Variants in THSD7A observed in about 807,000 individuals in gnomAD.
THSD7A encodes the protein thrombospondin type-1 domain-containing protein 7A.
In THSD7A, 96 loss-of-function variants were observed where a neutral mutation model predicts 231.3. That is an observed-to-expected ratio of 0.41 (90% CI 0.35 to 0.49). The LOEUF (loss-of-function observed/expected upper bound fraction) is 0.49, where lower values mean the gene tolerates loss of function less well. Ranked by LOEUF, THSD7A falls within the 20% of genes least tolerant of loss-of-function variation. The pLI is 0.05. For missense variants in THSD7A, 2,290 were observed against 2,070.2 expected (o/e 1.11, Z -2.06); for synonymous variants, 940 against 743.3 (o/e 1.26, Z -4.30).
intron 23 of THSD7A, among the ~76,000 whole-genome samples, chr7:11,383,312 A>G (rs370408370): frequency 6.6e-6 from 1 of 152,056 alleles, no homozygotes; most frequent in Non-Finnish European, 1.5e-5. Flanking sequence ...AGTTTATTTT[A>G]ACGGCTACAT....
At chr7:11,630,642 G>T (rs962686323) in intron 2 of THSD7A, among the ~76,000 whole-genome samples, 1 of 152,054 alleles carries the variant, frequency 6.6e-6, no homozygotes, top group African/African-American at 2.4e-5. Flanking sequence ...GGAATTCACT[G>T]GGCTGAATTT....
In THSD7A at chr7:11,411,575, G is replaced by A. The variant is rs894925143; in HGVS notation, c.3683-253C>T. Among the ~76,000 whole-genome samples the A allele has an allele frequency of 8.5e-5, 13 of 152,268 alleles. No homozygotes were observed. Among genetic ancestry groups the A allele is most frequent in the African/African-American group, 2.2e-4 (9 of 41,560 alleles). On this transcript the variant is annotated intron_variant, in intron 18 of 27. Coordinates refer to ENST00000423059, the MANE Select transcript of THSD7A (RefSeq NM_015204.3). The surrounding 1 kb of genome is among the most constrained non-coding windows in gnomAD (Gnocchi z 4.1). Reference sequence around the variant, plus strand: ...TACTTGAAAATCTTGATAGCTAGCCGTTTGGTGACACTGTGAAAATGGCTT... The same window carrying A: ...TACTTGAAAATCTTGATAGCTAGCCATTTGGTGACACTGTGAAAATGGCTT...
intron 6 of THSD7A, among the ~76,000 whole-genome samples, chr7:11,535,567 A>G (rs1030048390): frequency 2.6e-5 from 4 of 151,512 alleles, no homozygotes; most frequent in Non-Finnish European, 4.4e-5. Flanking sequence ...GAGAGACCTT[A>G]GATTTAACAT....
intron 2 of THSD7A, among the ~76,000 whole-genome samples, chr7:11,595,289 G>A (rs1221663039): frequency 1.3e-5 from 2 of 152,142 alleles, no homozygotes; most frequent in Non-Finnish European, 2.9e-5. Context: ...AGAACTGCTT[G>A]AATTCTCTAA....
intron 6 of THSD7A, among the ~76,000 whole-genome samples, chr7:11,529,858 T>G (rs1418034169): frequency 6.6e-6 from 1 of 152,176 alleles, no homozygotes; most frequent in Admixed American, 6.5e-5. Flanking sequence ...TCAGCTAACT[T>G]TCTCTCTATT....
chr7:11,628,189 T>C (rs146467784), intron 2 of THSD7A, among the ~76,000 whole-genome samples: 5 of 152,316 alleles, frequency 3.3e-5, no homozygotes, highest in African/African-American at 1.2e-4. Flanking sequence ...TGGAAATGTT[T>C]AGACCTGCAG....
At chr7:11,577,622 A>G (rs558334379) in intron 4 of THSD7A, among the ~76,000 whole-genome samples, 1 of 148,520 alleles carries the variant, frequency 6.7e-6, no homozygotes, top group South Asian at 2.2e-4. Flanking sequence ...TGGCCTCTAA[A>G]CCCTATGTTT....
rs200110464 is a variant in THSD7A, at chr7:11,636,671, T to C, written c.481A>G (p.Ile161Val). 101 of 1,614,018 alleles carry C rather than the reference T, an allele frequency of 6.3e-5. No individual in the cohort carries two copies. The African/African-American group carries it at 1.2e-3, about 19-fold the overall frequency. ...EGIQVREIAC[I>V]QKDKDIPAED... is the part of the protein sequence containing the mutation. ...GCAGGAATGTCTTTGTCTTTCTGGA[T>C]GCACGCTATCTCCCTCACCTGAATA... The change falls in exon 2 of 28, where the codon ATC becomes GTC. Residue 161 changes from isoleucine (I) to valine (V), a missense_variant. Physicochemically the swap from Ile to Val is conservative, Grantham distance 29. Transcript: ENST00000423059. The surrounding 1 kb of genome is among the most constrained non-coding windows in gnomAD (Gnocchi z 10.0).
intron 23 of THSD7A, among the ~76,000 whole-genome samples, chr7:11,387,553 G>A (rs1013778600): frequency 6.6e-6 from 1 of 152,118 alleles, no homozygotes. Flanking sequence ...TTTGCACATT[G>A]ATTTTGTATC....
At chr7:11,460,637 T>C (rs373609606) in intron 11 of THSD7A, 25 bp downstream of exon 11, 4 of 1,571,620 alleles carry the variant, frequency 2.5e-6, no homozygotes, top group South Asian at 1.2e-5. Flanking sequence ...GCTGGAGAAA[T>C]GAACTGTGGA....
chr7:11,691,458 G>A (rs1197607179), intron 1 of THSD7A, among the ~76,000 whole-genome samples: 2 of 151,352 alleles, frequency 1.3e-5, no homozygotes, highest in East Asian at 2.0e-4. Flanking sequence ...TGGGAGTAGA[G>A]GTTAACTTGG....
intron 1 of THSD7A, among the ~76,000 whole-genome samples, chr7:11,701,879 C>T (rs1003450557): frequency 1.3e-5 from 2 of 151,176 alleles, no homozygotes; most frequent in African/African-American, 4.8e-5. Flanking sequence ...GTCTCTCTAC[C>T]TCTCTAACTC....
intron 4 of THSD7A, among the ~76,000 whole-genome samples, chr7:11,572,472 C>T (rs1185678354): frequency 2.0e-5 from 3 of 152,074 alleles, no homozygotes; most frequent in African/African-American, 7.2e-5. Flanking sequence ...GTTCACTCCC[C>T]AAGACACTCT....
intron 6 of THSD7A, among the ~76,000 whole-genome samples, chr7:11,514,198 G>A (rs1014850452): frequency 6.6e-6 from 1 of 151,582 alleles, no homozygotes. Flanking sequence ...TTCAGCCTGT[G>A]TTATTTTTCT....
At chr7:11,437,012 A>AAAT (rs1174592894) in intron 13 of THSD7A, among the ~76,000 whole-genome samples, 1 of 152,122 alleles carries the variant, frequency 6.6e-6, no homozygotes, top group Admixed American at 6.6e-5. Flanking sequence ...TGGTTGTTGC[A>AAAT]AATAATGAAT....
chr7:11,792,961 C>A (rs1784006065), intron 1 of THSD7A, among the ~76,000 whole-genome samples: 1 of 151,762 alleles, frequency 6.6e-6, no homozygotes, highest in Admixed American at 6.6e-5. Flanking sequence ...TTGCAATATC[C>A]CATAGCATTA....
chr7:11,378,060 G>A (rs1782350333), intron 26 of THSD7A: 1 of 152,010 alleles, frequency 6.6e-6, no homozygotes, highest in Admixed American at 6.6e-5. Flanking sequence ...CAGGAATAAT[G>A]TGATTAAAAG....
chr7:11,816,923 C>G (rs548836408), intron 1 of THSD7A, among the ~76,000 whole-genome samples: 1 of 151,972 alleles, frequency 6.6e-6, no homozygotes, highest in Non-Finnish European at 1.5e-5. Context: ...GATATGCAGA[C>G]ATGTATACAT....
chr7:11,416,122 T>A (rs541754381), intron 17 of THSD7A, among the ~76,000 whole-genome samples: 1 of 152,300 alleles, frequency 6.6e-6, no homozygotes, highest in African/African-American at 2.4e-5. Context: ...TTTATTCCTA[T>A]CCAAACATTC....
Sources: gnomAD v4.1 joint callset for allele counts (sites outside exome capture counted in the v4.1 genomes callset) on GRCh38, gnomAD v4.1.1 for gene constraint, Gnocchi (gnomAD v3.1) non-coding constraint, MANE v1.5 for transcripts, NCBI Gene and HGNC (gene_info 2026-07-23, HGNC 2026-07-21) for gene names.